TENM4: variants seen among roughly 807,000 people sequenced by gnomAD.
TENM4 encodes teneurin-4.
TENM4 carries 82 observed loss-of-function variants against 243.3 expected under a neutral mutation model. The observed-to-expected ratio is 0.34, with a 90% CI of 0.28 to 0.40. TENM4 has a LOEUF of 0.40. Ranked by LOEUF, TENM4 falls within the 10% of genes least tolerant of loss-of-function variation. The pLI, the probability that TENM4 is intolerant of heterozygous loss-of-function variation, is 1.00. For missense variants in TENM4, 3,138 were observed against 3,673.3 expected (o/e 0.85, Z 3.77); for synonymous variants, 1,412 against 1,456.3 (o/e 0.97, Z 0.69).
chr11:79,138,955 TCCATAA>T (rs1862190887), intron 4 of TENM4, among the ~76,000 whole-genome samples: 1 of 106,154 alleles, frequency 9.4e-6, no homozygotes, highest in Non-Finnish European at 1.7e-5. Flanking sequence ...ATATTATATT[TCCATAA>T]ATATATAAAA....
intron 1 of TENM4, among the ~76,000 whole-genome samples, chr11:79,408,771 G>C (rs1483014787): frequency 1.3e-5 from 2 of 152,118 alleles, no homozygotes; most frequent in African/African-American, 4.8e-5. Context: ...AAAAAGGAAG[G>C]CATATGCAGT....
intron 6 of TENM4, among the ~76,000 whole-genome samples, chr11:79,054,443 G>A (rs1859887671): frequency 6.6e-6 from 1 of 152,006 alleles, no homozygotes; most frequent in East Asian, 1.9e-4. Context: ...TTTGAGCTAA[G>A]GGGTCCTTGA....
intron 9 of TENM4, among the ~76,000 whole-genome samples, chr11:78,867,199 ATTTATTCTATTT>A (rs1484395520): frequency 6.6e-6 from 1 of 151,748 alleles, no homozygotes; most frequent in Non-Finnish European, 1.5e-5. Context: ...ACAGTTCTTT[ATTTATTCTATTT>A]TTTTTTTGTA....
chr11:78,805,279 C>CCCACCCAACACA lies in TENM4; in HGVS notation c.2179+12_2179+13insTGTGTTGGGTGG. The CCCACCCAACACA allele has an allele frequency of 2.0e-6, 3 of 1,512,300 alleles. No homozygotes were observed. The highest frequency in any genetic ancestry group is 2.7e-6 in the Non-Finnish European group (3 of 1,117,000). 93.7% of individuals were successfully genotyped at this position (1,512,300 alleles called of 1,614,324 possible). ...CCTCCCTCTACCCATGCTTCTTCTCCCCCTGCATTTACCGATAGAACAGTC... is the reference window on the plus strand; with the variant it reads ...CCTCCCTCTACCCATGCTTCTTCTCCCCACCCAACACACCCTGCATTTACCGATAGAACAGTC... On this transcript the variant is annotated intron_variant, in intron 15 of 33. Coordinates refer to ENST00000278550, the MANE Select transcript of TENM4 (RefSeq NM_001098816.3).
chr11:79,341,836 G>A (rs1430160747), intron 1 of TENM4, among the ~76,000 whole-genome samples: 1 of 152,196 alleles, frequency 6.6e-6, no homozygotes, highest in Non-Finnish European at 1.5e-5. Flanking sequence ...TTCCTTATGG[G>A]TGGTGTGGTA....
chr11:79,298,521 CAAAAAAAAAAAAAAAA>C (rs61373828), intron 1 of TENM4, among the ~76,000 whole-genome samples: 3 of 17,256 alleles, frequency 1.7e-4, no homozygotes, highest in Non-Finnish European at 3.5e-4. Context: ...GACTCCGTCT[CAAAAAAAAAAAAAAAA>C]AAAAAAAAAA....
chr11:78,888,159 A>G (rs1216060780), intron 9 of TENM4, among the ~76,000 whole-genome samples: 1 of 152,230 alleles, frequency 6.6e-6, no homozygotes. Context: ...CATTTATACA[A>G]TGACCCATAG....
rs1289184452 is a variant in TENM4, at chr11:78,785,023, C to A, written c.2365+1875G>T. On this transcript the variant is annotated intron_variant, in intron 16 of 33. Transcript: ENST00000278550. ...AGAGACAGCAAACAGAATGGGCCCT[C>A]TCTGGGCTCTGGTTTTTTTGTTTCT... 2.0e-5 allele frequency among the ~76,000 whole-genome samples: 3 copies of A among 151,058 alleles called. No individual in the cohort carries two copies. In the East Asian group the frequency reaches 5.8e-4, roughly 29 times the overall value.
At chr11:79,350,714 A>G (rs1345161896) in intron 1 of TENM4, among the ~76,000 whole-genome samples, 5 of 151,504 alleles carry the variant, frequency 3.3e-5, no homozygotes, top group African/African-American at 9.7e-5. Flanking sequence ...TGCTGGAATT[A>G]CACGCATAAG....
At chr11:78,846,486 T>C (rs1858395646) in intron 12 of TENM4, among the ~76,000 whole-genome samples, 2 of 152,036 alleles carry the variant, frequency 1.3e-5, no homozygotes, top group African/African-American at 2.4e-5. Context: ...ACAGATGCAG[T>C]GTCTAGGTCT....
chr11:78,768,079 G>C (rs1008264531), intron 18 of TENM4, among the ~76,000 whole-genome samples: 3 of 152,224 alleles, frequency 2.0e-5, no homozygotes, highest in Non-Finnish European at 2.9e-5. Context: ...CCAAGGCACA[G>C]AGTAATAGAG....
At chr11:79,101,507 G>A (rs576100814) in intron 4 of TENM4, among the ~76,000 whole-genome samples, 16 of 152,318 alleles carry the variant, frequency 1.1e-4, no homozygotes, top group East Asian at 5.8e-4. Flanking sequence ...TTGACATGGC[G>A]GAGAGGCTCT....
rs142571110 is a variant in TENM4, at chr11:79,210,363, T to G, written c.-163+5445A>C. On this transcript the variant is annotated intron_variant, in intron 3 of 33. Transcript: ENST00000278550. ...GATTATGGATTGTCTGCTGTGTGCA[T>G]GGGAACTGTCATGATAGACTCCAAT... is the stretch of plus-strand genomic sequence containing the variant. Among the ~76,000 whole-genome samples, 728 of 152,318 alleles carry G rather than the reference T, an allele frequency of 4.8e-3. 6 individuals carry two copies. Among genetic ancestry groups the G allele is most frequent in the African/African-American group, 0.017 (696 of 41,568 alleles).
At chr11:79,179,768 C>T (rs955235666) in intron 3 of TENM4, among the ~76,000 whole-genome samples, 1 of 151,760 alleles carries the variant, frequency 6.6e-6, no homozygotes, top group Non-Finnish European at 1.5e-5. Flanking sequence ...ATAGAAGGTG[C>T]TCAAAATAGT....
chr11:79,370,611 C>T (rs914489827), intron 1 of TENM4, among the ~76,000 whole-genome samples: 14 of 151,998 alleles, frequency 9.2e-5, no homozygotes, highest in East Asian at 1.9e-4. Context: ...ATTCCTAAAG[C>T]GTGGGGCTTC....
chr11:79,004,118 A>G lies in TENM4; in HGVS notation c.493+60620T>C, dbSNP rs543056456. 6.6e-5 allele frequency among the ~76,000 whole-genome samples: 10 copies of G among 152,338 alleles called. No individual in the cohort carries two copies. The East Asian group carries it at 1.9e-3, about 29-fold the overall frequency. On this transcript the variant is annotated intron_variant, in intron 6 of 33. Coordinates refer to ENST00000278550, the MANE Select transcript of TENM4 (RefSeq NM_001098816.3). ...TATCCTAAATATGTATTCATCCAAC[A>G]CCGGAGAACTCAGATTCATAAAGCA... is the stretch of plus-strand genomic sequence containing the variant.
intron 1 of TENM4, among the ~76,000 whole-genome samples, chr11:79,374,526 A>C (rs1045314714): frequency 6.6e-6 from 1 of 150,524 alleles, no homozygotes; most frequent in Admixed American, 6.6e-5. Flanking sequence ...CCTTGTTTCC[A>C]ACTATATATA....
intron 1 of TENM4, among the ~76,000 whole-genome samples, chr11:79,318,708 C>T (rs2135424627): frequency 6.6e-6 from 1 of 152,268 alleles, no homozygotes; most frequent in South Asian, 2.1e-4. Flanking sequence ...TGGTGAGTGT[C>T]AAGTACTTAG....
intron 19 of TENM4, among the ~76,000 whole-genome samples, chr11:78,745,045 G>A (rs1404837911): frequency 1.3e-5 from 2 of 152,032 alleles, no homozygotes; most frequent in African/African-American, 4.8e-5. Flanking sequence ...TACCTTGCAA[G>A]AAACCTTTAA....
Sources: gnomAD v4.1 joint callset for allele counts (sites outside exome capture counted in the v4.1 genomes callset) on GRCh38, gnomAD v4.1.1 for gene constraint, MANE v1.5 for transcripts, NCBI Gene and HGNC (gene_info 2026-07-23, HGNC 2026-07-21) for gene names.